Variants in ZFAND3 observed in about 807,000 individuals in gnomAD.
ZFAND3 encodes the protein zinc finger AN1-type containing 3.
In ZFAND3, 10 loss-of-function variants were observed where a neutral mutation model predicts 29.6. That is an observed-to-expected ratio of 0.34 (90% CI 0.21 to 0.57). The LOEUF (loss-of-function observed/expected upper bound fraction) is 0.57, where lower values mean the gene tolerates loss of function less well. ZFAND3 is among the 20% of genes least tolerant of loss of function. The probability of loss-of-function intolerance (pLI) is 0.86; values close to 1 mark genes in which losing one functional copy is unlikely to be tolerated. For missense variants in ZFAND3, 230 were observed against 304.5 expected, an observed-to-expected ratio of 0.76 and a Z score of 1.82; for synonymous variants, 128 against 112.6, an observed-to-expected ratio of 1.14 and a Z score of -0.87.
At chr6:37,842,071 T>A (rs930291819) in intron 1 of ZFAND3, among the ~76,000 whole-genome samples, 1 of 152,180 alleles carries the variant, frequency 6.6e-6, no homozygotes, top group Non-Finnish European at 1.5e-5. Flanking sequence ...CTTCATCCTC[T>A]TTTATAAAGG....
At chr6:37,996,926 A>G (rs1561960363) in intron 2 of ZFAND3, among the ~76,000 whole-genome samples, 1 of 152,104 alleles carries the variant, frequency 6.6e-6, no homozygotes, top group Non-Finnish European at 1.5e-5. Flanking sequence ...GTTTTTCATT[A>G]TTATACATAA....
At chr6:38,109,689 C>G (rs1765277564) in intron 4 of ZFAND3, among the ~76,000 whole-genome samples, 1 of 152,134 alleles carries the variant, frequency 6.6e-6, no homozygotes, top group African/African-American at 2.4e-5. Context: ...TAATCTCAGT[C>G]TTTAAAACAT....
chr6:37,820,113 T>G, intron 1 of ZFAND3, 97 bp downstream of exon 1: 23 of 619,538 alleles, frequency 3.7e-5, no homozygotes, highest in East Asian at 1.6e-4. Context: ...GCCGGAACCT[T>G]GGAGGCTGGG....
chr6:38,101,125 TTAGA>T (rs1355206977), intron 4 of ZFAND3, among the ~76,000 whole-genome samples: 1 of 152,238 alleles, frequency 6.6e-6, no homozygotes, highest in Non-Finnish European at 1.5e-5. Flanking sequence ...GGTTACAATG[TTAGA>T]TAGTTGCTCC....
At chr6:37,981,312 C>T (rs1174407662) in intron 2 of ZFAND3, among the ~76,000 whole-genome samples, 5 of 152,222 alleles carry the variant, frequency 3.3e-5, no homozygotes, top group African/African-American at 1.2e-4. Flanking sequence ...TTATAAATCA[C>T]AGTACGACCT....
intron 1 of ZFAND3, among the ~76,000 whole-genome samples, chr6:37,830,639 T>G (rs778890602): frequency 1.3e-5 from 2 of 152,216 alleles, no homozygotes; most frequent in Non-Finnish European, 2.9e-5. Flanking sequence ...GAAAAATGCT[T>G]CATGGTTTCT....
intron 4 of ZFAND3, among the ~76,000 whole-genome samples, chr6:38,091,448 C>T (rs1386790982): frequency 6.7e-6 from 1 of 149,910 alleles, no homozygotes; most frequent in Non-Finnish European, 1.5e-5. Flanking sequence ...AATTTAATTC[C>T]CCTCTCCTCC....
At chr6:37,829,698 T>G (rs1041095554) in intron 1 of ZFAND3, among the ~76,000 whole-genome samples, 2 of 152,226 alleles carry the variant, frequency 1.3e-5, no homozygotes, top group Admixed American at 6.5e-5. Flanking sequence ...GATCAGTCAC[T>G]GTTAACTAGC....
At chr6:38,021,927 A>G (rs766587003) in intron 2 of ZFAND3, among the ~76,000 whole-genome samples, 6 of 152,236 alleles carry the variant, frequency 3.9e-5, no homozygotes, top group Non-Finnish European at 5.9e-5. Context: ...TTAGGAGACC[A>G]TCAATACTTA....
chr6:37,920,339 G>C (rs925930706), intron 1 of ZFAND3, among the ~76,000 whole-genome samples: 1 of 151,166 alleles, frequency 6.6e-6, no homozygotes, highest in Non-Finnish European at 1.5e-5. Flanking sequence ...TTCTACAGGG[G>C]CTTTCATTCA....
At chr6:38,138,268 G>C (rs1765881271) in intron 5 of ZFAND3, among the ~76,000 whole-genome samples, 2 of 152,178 alleles carry the variant, frequency 1.3e-5, no homozygotes, top group African/African-American at 2.4e-5. Context: ...TGGTTGCTGG[G>C]CTTCTGGAGA....
At chr6:38,145,002 G>A (rs370993657) in intron 5 of ZFAND3, among the ~76,000 whole-genome samples, 3 of 152,292 alleles carry the variant, frequency 2.0e-5, no homozygotes, top group African/African-American at 7.2e-5. Context: ...CTGTGTAAAA[G>A]GGCAGTTCAA....
chr6:37,832,763 A>G (rs1763887802), intron 1 of ZFAND3, among the ~76,000 whole-genome samples: 1 of 152,070 alleles, frequency 6.6e-6, no homozygotes, highest in Non-Finnish European at 1.5e-5. Flanking sequence ...TGTAGCCTCG[A>G]ACTCCTGGGC....
At position 37,859,884 on chromosome 6, in the gene ZFAND3, T is replaced by C. The variant is rs540217164; in HGVS notation, c.71+39868T>C. Among the ~76,000 whole-genome samples, 433 of 150,556 alleles carry C rather than the reference T, an allele frequency of 2.9e-3. 2 individuals are homozygous for C. Among genetic ancestry groups the C allele is most frequent in the African/African-American group, 1.0e-2 (411 of 41,104 alleles). On this transcript the variant is annotated intron_variant, in intron 1 of 5. Coordinates refer to ENST00000287218, the MANE Select transcript of ZFAND3 (RefSeq NM_021943.3). ...TGGGTTTTTTTTTTTTTTCTTTCTT[T>C]TTTTGAGATAGACTCTTGCTCTTGT...
At chr6:38,007,704 A>G (rs1439753000) in intron 2 of ZFAND3, among the ~76,000 whole-genome samples, 1 of 152,210 alleles carries the variant, frequency 6.6e-6, no homozygotes, top group Non-Finnish European at 1.5e-5. Flanking sequence ...GCCTGATGCA[A>G]GATGTGATTC....
At chr6:38,119,022 A>T (rs1041963868) in intron 5 of ZFAND3, among the ~76,000 whole-genome samples, 8 of 152,190 alleles carry the variant, frequency 5.3e-5, no homozygotes, top group Non-Finnish European at 1.2e-4. Context: ...TGGAGAAGAA[A>T]GCCCTGAGCT....
chr6:38,048,445 C>T (rs952750758), intron 2 of ZFAND3, among the ~76,000 whole-genome samples: 2 of 151,418 alleles, frequency 1.3e-5, no homozygotes, highest in Non-Finnish European at 2.9e-5. Flanking sequence ...CATGGTGAAA[C>T]CCCGTCTCTA....
rs137965130 is a variant in ZFAND3 at position 37,973,619 on chromosome 6, A to G, written c.112+43620A>G. On this transcript the variant is annotated intron_variant, in intron 2 of 5. Coordinates refer to ENST00000287218, the MANE Select transcript of ZFAND3 (RefSeq NM_021943.3). The stretch of plus-strand genomic sequence containing the variant: ...TTAATTTAAATAGCCACATGTGTCT[A>G]TTGCTTTCTGTATTAGATAGCACAG... Among the ~76,000 whole-genome samples, 125 of 152,328 alleles carry G rather than the reference A, an allele frequency of 8.2e-4. 1 individual carries two copies. In the East Asian group the frequency reaches 0.018, roughly 22 times the overall value.
chr6:37,841,107 A>G (rs1034590623), intron 1 of ZFAND3, among the ~76,000 whole-genome samples: 3 of 152,190 alleles, frequency 2.0e-5, no homozygotes, highest in Non-Finnish European at 4.4e-5. Context: ...ACACAGAGGA[A>G]ATTTAGAGAT....
Sources: gnomAD v4.1 joint callset for allele counts (sites outside exome capture counted in the v4.1 genomes callset) on GRCh38, gnomAD v4.1.1 for gene constraint, MANE v1.5 for transcripts, NCBI Gene and HGNC (gene_info 2026-07-23, HGNC 2026-07-21) for gene names.